Variants in CNTLN observed in about 807,000 individuals in gnomAD.
CNTLN encodes centlein, also known as centlein, centrosomal protein.
A neutral mutation model predicts 180.0 loss-of-function variants in CNTLN; 212 were observed. That is an observed-to-expected ratio of 1.18 (90% CI 1.05 to 1.32). CNTLN has a LOEUF of 1.32. Among genes scored for constraint, CNTLN ranks in the 40% most tolerant of loss-of-function variants. The probability of loss-of-function intolerance (pLI) is 0.00; values close to 1 mark genes in which losing one functional copy is unlikely to be tolerated. For missense variants in CNTLN, 2,095 were observed against 1,610.9 expected (o/e 1.30, Z -5.14); for synonymous variants, 722 against 563.1 (o/e 1.28, Z -3.99).
intron 15 of CNTLN, among the ~76,000 whole-genome samples, chr9:17,404,163 G>A (rs1827196710): frequency 6.6e-6 from 1 of 151,682 alleles, no homozygotes; most frequent in African/African-American, 2.4e-5. Context: ...TTATTCAAAG[G>A]CAACTGGCTG....
intron 2 of CNTLN, among the ~76,000 whole-genome samples, chr9:17,153,222 A>G (rs939425243): frequency 1.3e-5 from 2 of 152,138 alleles, no homozygotes; most frequent in African/African-American, 2.4e-5. Flanking sequence ...TGTTTTGCCC[A>G]TTAGTTAATG....
chr9:17,212,969 C>T lies in CNTLN; in HGVS notation c.450-13234C>T, dbSNP rs147629610. 4.1e-3 allele frequency among the ~76,000 whole-genome samples: 619 copies of T among 152,078 alleles called. 4 individuals carry two copies. Among genetic ancestry groups the T allele is most frequent in the African/African-American group, 0.013 (545 of 41,480 alleles). On this transcript the variant is annotated intron_variant, in intron 2 of 25. Transcript: ENST00000380647. ...TTTTCTTCTTTATTAGTCTTGCTAG[C>T]GGTCTATCAATTTTGTGGATCTTTT...
intron 6 of CNTLN, among the ~76,000 whole-genome samples, chr9:17,296,389 A>T (rs914923618): frequency 2.0e-5 from 3 of 152,108 alleles, no homozygotes; most frequent in Non-Finnish European, 2.9e-5. Context: ...CCAGCTACGG[A>T]TTCGGGCCTT....
At chr9:17,345,624 T>C (rs1009557842) in intron 12 of CNTLN, among the ~76,000 whole-genome samples, 1 of 152,018 alleles carries the variant, frequency 6.6e-6, no homozygotes, top group African/African-American at 2.4e-5. Context: ...TTACTTTAAG[T>C]GGAATCTAGA....
At chr9:17,231,417 T>C (rs1414917909) in intron 3 of CNTLN, among the ~76,000 whole-genome samples, 1 of 152,074 alleles carries the variant, frequency 6.6e-6, no homozygotes, top group African/African-American at 2.4e-5. Flanking sequence ...GTATAAAGAA[T>C]TGCCTTTTTT....
At chr9:17,209,036 T>A (rs1408944228) in intron 2 of CNTLN, among the ~76,000 whole-genome samples, 9 of 152,118 alleles carry the variant, frequency 5.9e-5, no homozygotes, top group Non-Finnish European at 1.2e-4. Flanking sequence ...TTAGGTTGTT[T>A]ATTTGAAGTT....
At chr9:17,270,072 T>C (rs897474676) in intron 5 of CNTLN, among the ~76,000 whole-genome samples, 11 of 152,096 alleles carry the variant, frequency 7.2e-5, no homozygotes, top group Admixed American at 6.6e-4. Context: ...GAAGATCATA[T>C]TGGCTGCTAA....
intron 25 of CNTLN, among the ~76,000 whole-genome samples, chr9:17,494,494 T>A (rs922764594): frequency 2.0e-5 from 3 of 152,176 alleles, no homozygotes; most frequent in Admixed American, 1.3e-4. Flanking sequence ...AGCCAATAGT[T>A]ATTTTTTTCT....
At chr9:17,412,229 C>A (rs903634394) in intron 16 of CNTLN, among the ~76,000 whole-genome samples, 2 of 152,162 alleles carry the variant, frequency 1.3e-5, no homozygotes, top group Non-Finnish European at 2.9e-5. Flanking sequence ...ATGGTGTGCT[C>A]CTTGCCCCAT....
chr9:17,244,825 G>T (rs940714201), intron 5 of CNTLN, among the ~76,000 whole-genome samples: 3 of 151,802 alleles, frequency 2.0e-5, no homozygotes, highest in African/African-American at 7.3e-5. Flanking sequence ...TTTATTTGAG[G>T]TTACCATGAG....
intron 23 of CNTLN, among the ~76,000 whole-genome samples, chr9:17,483,344 T>A (rs1337025925): frequency 6.6e-6 from 1 of 152,158 alleles, no homozygotes; most frequent in Non-Finnish European, 1.5e-5. Flanking sequence ...TTTTTATACA[T>A]TCTTTGTGGA....
At chr9:17,212,199 A>G (rs1259599817) in intron 2 of CNTLN, among the ~76,000 whole-genome samples, 2 of 152,114 alleles carry the variant, frequency 1.3e-5, no homozygotes, top group African/African-American at 4.8e-5. Context: ...GTTTGTGATA[A>G]ATAGCTCTTA....
At chr9:17,331,363 A>AT (rs11404854) in intron 9 of CNTLN, among the ~76,000 whole-genome samples, 89,447 of 150,860 alleles carry the variant, frequency 0.59, 26,794 homozygotes, top group East Asian at 0.73. Flanking sequence ...TAATGTCTCA[A>AT]TTTTTTTTAG....
At chr9:17,242,304 G>GT (rs536610326) in intron 5 of CNTLN, among the ~76,000 whole-genome samples, 4,736 of 134,834 alleles carry the variant, frequency 0.035, 159 homozygotes, top group East Asian at 0.19. Flanking sequence ...TGATCATGTG[G>GT]TTTTTTTTTT....
intron 5 of CNTLN, among the ~76,000 whole-genome samples, chr9:17,267,738 C>G (rs1827592641): frequency 6.6e-6 from 1 of 152,154 alleles, no homozygotes; most frequent in South Asian, 2.1e-4. Flanking sequence ...TTGTTCGTTT[C>G]TTTTTATTCT....
chr9:17,237,202 CT>C (rs1455453257), intron 5 of CNTLN, among the ~76,000 whole-genome samples: 4 of 151,800 alleles, frequency 2.6e-5, no homozygotes, highest in Non-Finnish European at 4.4e-5. Flanking sequence ...CAAAATAATA[CT>C]TTTTTATGGC....
chr9:17,494,882 T>G (rs1230711128), intron 25 of CNTLN: 56 of 339,390 alleles, frequency 1.7e-4, no homozygotes, highest in South Asian at 1.2e-3. Context: ...CATACTTTTT[T>G]TTTTTTTTTT....
At chr9:17,292,911 C>T (rs1239327076) in intron 6 of CNTLN, among the ~76,000 whole-genome samples, 2 of 152,164 alleles carry the variant, frequency 1.3e-5, no homozygotes, top group Non-Finnish European at 2.9e-5. Flanking sequence ...GATTCTTTCT[C>T]ATCTTTGTGA....
At chr9:17,290,854 G>A (rs1168897826) in intron 6 of CNTLN, among the ~76,000 whole-genome samples, 2 of 152,182 alleles carry the variant, frequency 1.3e-5, no homozygotes, top group Admixed American at 1.3e-4. Context: ...GCAATGCCTC[G>A]CCCTGCTTCG....
Sources: allele counts gnomAD v4.1 joint callset (sites outside exome capture counted in the v4.1 genomes callset), GRCh38; gene constraint gnomAD v4.1.1; transcripts MANE v1.5; gene names NCBI Gene and HGNC (gene_info 2026-07-23, HGNC 2026-07-21).